PRKCE: variants seen among roughly 807,000 people sequenced by gnomAD.
The protein encoded by PRKCE is protein kinase C epsilon, also known as protein kinase C epsilon type.
In PRKCE, 16 loss-of-function variants were observed where a neutral mutation model predicts 85.4. The observed-to-expected ratio is 0.19, with a 90% CI of 0.13 to 0.28. PRKCE has a LOEUF of 0.28. Among genes scored for constraint, PRKCE ranks in the 10% least tolerant of loss-of-function variants. The pLI, the probability that PRKCE is intolerant of heterozygous loss-of-function variation, is 1.00. For missense variants in PRKCE, 573 were observed against 975.2 expected (o/e 0.59, Z 5.49); for synonymous variants, 388 against 371.5 (o/e 1.04, Z -0.51).
chr2:45,729,391 G>C (rs1681366500), intron 1 of PRKCE, among the ~76,000 whole-genome samples: 1 of 152,156 alleles, frequency 6.6e-6, no homozygotes, highest in Admixed American at 6.6e-5. Flanking sequence ...TTATCAAAGG[G>C]TGTGATCCTA....
intron 1 of PRKCE, among the ~76,000 whole-genome samples, chr2:45,783,391 A>T (rs1416089247): frequency 6.6e-6 from 1 of 152,156 alleles, no homozygotes; most frequent in Admixed American, 6.5e-5. Context: ...CACCCACCGA[A>T]GGCTGCACCC....
chr2:46,179,914 C>A (rs1679802384), intron 14 of PRKCE, among the ~76,000 whole-genome samples: 1 of 152,138 alleles, frequency 6.6e-6, no homozygotes, highest in Non-Finnish European at 1.5e-5. Context: ...TGACCCTGAA[C>A]CCAGATCACG....
At chr2:46,149,632 C>A (rs1676409057) in intron 12 of PRKCE, among the ~76,000 whole-genome samples, 2 of 150,814 alleles carry the variant, frequency 1.3e-5, no homozygotes, top group South Asian at 4.2e-4. Context: ...CTGTAAAATA[C>A]AAAGCTCTAT....
intron 2 of PRKCE, among the ~76,000 whole-genome samples, chr2:45,941,966 G>A (rs1171931862): frequency 6.6e-6 from 1 of 152,194 alleles, no homozygotes; most frequent in Admixed American, 6.5e-5. Context: ...GCTGCTGCAG[G>A]TAGCTGAAGT....
chr2:45,968,860 A>C (rs1701912180), intron 2 of PRKCE, among the ~76,000 whole-genome samples: 1 of 151,974 alleles, frequency 6.6e-6, no homozygotes, highest in African/African-American at 2.4e-5. Context: ...GTTTGGTGCC[A>C]GGGGCCATCT....
intron 14 of PRKCE, chr2:46,160,083 C>A (rs1242979258): frequency 2.3e-5 from 6 of 260,044 alleles, no homozygotes; most frequent in South Asian, 5.0e-5. Flanking sequence ...CATAAGGTTT[C>A]TTTATGAAGA....
rs896342392 is a variant in PRKCE, at chr2:46,186,285, A to G, written c.*1404A>G. On this transcript the variant is annotated 3_prime_UTR_variant, in exon 15 of 15. Transcript: ENST00000306156. Reference sequence around the variant, plus strand: ...TTAGCAGGGAATGGAATCCATTCCAACTATTGCACGTGGATTTCCCAGCTG... The same window carrying G: ...TTAGCAGGGAATGGAATCCATTCCAGCTATTGCACGTGGATTTCCCAGCTG... The G allele has an allele frequency of 6.6e-6, 1 of 152,626 alleles. No individual in the cohort carries two copies. Among genetic ancestry groups the G allele is most frequent in the African/African-American group, 2.4e-5 (1 of 41,444 alleles). 9.5% of individuals were successfully genotyped at this position (152,626 alleles called of 1,614,324 possible).
At chr2:45,809,119 C>T (rs1254848026) in intron 1 of PRKCE, among the ~76,000 whole-genome samples, 1 of 152,110 alleles carries the variant, frequency 6.6e-6, no homozygotes, top group Non-Finnish European at 1.5e-5. Context: ...CCTGATGGGA[C>T]TGGTCATCTA....
rs900375300 is a variant in PRKCE at position 45,984,905 on chromosome 2, C to T, written c.823+225C>T. ...GGGAAACACCGAGGAAGGAGGAGGG[C>T]GGACTCCACGCCTTAAGATCACTCA... On this transcript the variant is annotated intron_variant, in intron 6 of 14. Coordinates refer to ENST00000306156, the MANE Select transcript of PRKCE (RefSeq NM_005400.3). Among the ~76,000 whole-genome samples the T allele has an allele frequency of 4.6e-5, 7 of 152,124 alleles. 1 individual carries two copies. The highest frequency in any genetic ancestry group is 1.3e-4 in the Admixed American group (2 of 15,268).
chr2:45,959,908 A>ATTTG (rs1452473492), intron 2 of PRKCE, among the ~76,000 whole-genome samples: 3 of 151,868 alleles, frequency 2.0e-5, no homozygotes, highest in Non-Finnish European at 2.9e-5. Flanking sequence ...TCCGGGTTTT[A>ATTTG]TTTGTTTGTT....
At chr2:45,868,967 A>G (rs895924091) in intron 2 of PRKCE, among the ~76,000 whole-genome samples, 3 of 151,288 alleles carry the variant, frequency 2.0e-5, no homozygotes, top group Non-Finnish European at 4.4e-5. Context: ...CAAAAAAAAA[A>G]AAAAAAGAAA....
chr2:46,007,343 G>GT (rs1705293249), intron 8 of PRKCE, 119 bp from the exon 9 acceptor site: 1 of 967,398 alleles, frequency 1.0e-6, no homozygotes, highest in African/African-American at 1.6e-5. Context: ...CACTGGATCT[G>GT]TTGTGAAGAA....
At chr2:46,093,741 C>T (rs2345955) in intron 11 of PRKCE, among the ~76,000 whole-genome samples, 109,380 of 151,742 alleles carry the variant, frequency 0.72, 40,548 homozygotes, top group East Asian at 0.84. Context: ...ATCTAGTGAC[C>T]TACCACTGTG....
intron 10 of PRKCE, among the ~76,000 whole-genome samples, chr2:46,063,480 G>A (rs1019654551): frequency 6.6e-6 from 1 of 152,108 alleles, no homozygotes; most frequent in Non-Finnish European, 1.5e-5. Context: ...ATAATTTCTG[G>A]ATTGTTCTGA....
At chr2:45,802,000 G>A (rs1288981436) in intron 1 of PRKCE, among the ~76,000 whole-genome samples, 1 of 151,276 alleles carries the variant, frequency 6.6e-6, no homozygotes, top group Non-Finnish European at 1.5e-5. Context: ...TGTAATTCTA[G>A]CACTTTAGGA....
intron 1 of PRKCE, among the ~76,000 whole-genome samples, chr2:45,719,135 G>A (rs1411892329): frequency 2.0e-5 from 3 of 152,230 alleles, no homozygotes; most frequent in Non-Finnish European, 4.4e-5. Flanking sequence ...CTTGCCACCT[G>A]TGGGCGGTGC....
intron 10 of PRKCE, among the ~76,000 whole-genome samples, chr2:46,026,786 G>A (rs1707143884): frequency 6.6e-6 from 1 of 152,168 alleles, no homozygotes; most frequent in South Asian, 2.1e-4. Flanking sequence ...AAGGAAAGAA[G>A]CAAGTCCCAG....
At chr2:46,108,851 A>G (rs1055402151) in intron 11 of PRKCE, among the ~76,000 whole-genome samples, 1 of 151,430 alleles carries the variant, frequency 6.6e-6, no homozygotes, top group African/African-American at 2.4e-5. Flanking sequence ...TAGATCTATG[A>G]TCTATTTTGA....
chr2:46,089,549 TATAAG>T (rs1669962992), intron 11 of PRKCE, among the ~76,000 whole-genome samples: 1 of 152,178 alleles, frequency 6.6e-6, no homozygotes, highest in Non-Finnish European at 1.5e-5. Flanking sequence ...CTTCAGCCCT[TATAAG>T]ATAAAGTCCA....
Sources: allele counts gnomAD v4.1 joint callset (sites outside exome capture counted in the v4.1 genomes callset), GRCh38; gene constraint gnomAD v4.1.1; transcripts MANE v1.5; gene names NCBI Gene and HGNC (gene_info 2026-07-23, HGNC 2026-07-21).